The following SPATA13 variants were observed in gnomAD, a reference collection of about 807,000 sequenced individuals.
SPATA13 encodes spermatogenesis associated 13, also known as spermatogenesis-associated protein 13.
In SPATA13, 50 loss-of-function variants were observed where a neutral mutation model predicts 104.0. The ratio of observed to expected loss-of-function variants is 0.48; its 90% CI spans 0.38 to 0.61. SPATA13 has a LOEUF of 0.61. Ranked by LOEUF, SPATA13 falls within the 20% of genes least tolerant of loss-of-function variation. The probability of loss-of-function intolerance (pLI) is 0.00; values close to 1 mark genes in which losing one functional copy is unlikely to be tolerated. For missense variants in SPATA13, 1,524 were observed against 1,690.6 expected (o/e 0.90, Z 1.73); for synonymous variants, 606 against 667.5 (o/e 0.91, Z 1.42).
intron 4 of SPATA13, among the ~76,000 whole-genome samples, chr13:24,277,335 T>A (rs565834137): frequency 1.3e-5 from 2 of 150,714 alleles, no homozygotes; most frequent in African/African-American, 2.5e-5. Flanking sequence ...TCCCAGCTAC[T>A]CGGGAGGCTG....
At chr13:24,178,295 T>C (rs74041914) in intron 1 of SPATA13, among the ~76,000 whole-genome samples, 1,889 of 152,368 alleles carry the variant, frequency 0.012, 44 homozygotes, top group African/African-American at 0.042. Flanking sequence ...AGCATGCTCT[T>C]GAAAAATACT....
At chr13:24,067,012 C>T (rs572853764) in intron 3 of SPATA13, among the ~76,000 whole-genome samples, 14 of 152,292 alleles carry the variant, frequency 9.2e-5, no homozygotes, top group South Asian at 8.3e-4. Flanking sequence ...TTCTCTTGTG[C>T]CATCCTCAGT....
At chr13:24,135,697 C>CAAAAAA (rs34145507) in intron 3 of SPATA13, among the ~76,000 whole-genome samples, 19 of 82,324 alleles carry the variant, frequency 2.3e-4, no homozygotes, top group Admixed American at 6.8e-4. Context: ...GAATCCGTCT[C>CAAAAAA]AAAAAAAAAA....
intron 3 of SPATA13, among the ~76,000 whole-genome samples, chr13:24,147,624 A>G (rs915968644): frequency 5.9e-5 from 9 of 152,136 alleles, no homozygotes; most frequent in Admixed American, 1.3e-4. Context: ...TAGTAAATAT[A>G]CAGAACAAAA....
intron 2 of SPATA13, among the ~76,000 whole-genome samples, chr13:24,016,140 A>G (rs1876703178): frequency 6.6e-6 from 1 of 152,050 alleles, no homozygotes; most frequent in Non-Finnish European, 1.5e-5. Flanking sequence ...TCTTTCTCAG[A>G]CACCCCTGAG....
At chr13:24,242,713 C>T (rs1202861482) in intron 2 of SPATA13, among the ~76,000 whole-genome samples, 1 of 152,134 alleles carries the variant, frequency 6.6e-6, no homozygotes, top group Non-Finnish European at 1.5e-5. Flanking sequence ...AAAAATACCA[C>T]CCCCTCCCAC....
At position 24,278,901 on chromosome 13, in the gene SPATA13, C is replaced by G. The variant is rs866943816; in HGVS notation, c.2165-5234C>G. On this transcript the variant is annotated intron_variant, in intron 4 of 12. Coordinates refer to ENST00000382108, the MANE Select transcript of SPATA13 (RefSeq NM_001166271.3). The stretch of plus-strand genomic sequence containing the variant: ...CCTTCCTTCCTTCCTTCCTTCCTTC[C>G]TTCCTTCCTTCCTTCCTTCCTTCCC... 5 of 1,194,078 alleles carry G rather than the reference C, an allele frequency of 4.2e-6. No individual in the cohort carries two copies. The African/African-American group carries it at 9.4e-5, about 22-fold the overall frequency. The allele number at this position is 1,194,078 out of a possible 1,614,324, so 74.0% of individuals were successfully genotyped here. A position where few individuals can be genotyped will look rare whatever the true frequency, so the allele number is the denominator to read the frequency against.
intron 3 of SPATA13, among the ~76,000 whole-genome samples, chr13:24,107,552 G>A (rs1337353557): frequency 6.6e-6 from 1 of 152,208 alleles, no homozygotes; most frequent in African/African-American, 2.4e-5. Flanking sequence ...CATTCATAGA[G>A]AAAAATCACC....
At chr13:24,183,520 C>T (rs1002128831) in intron 1 of SPATA13, among the ~76,000 whole-genome samples, 7 of 152,278 alleles carry the variant, frequency 4.6e-5, no homozygotes, top group African/African-American at 7.2e-5. Context: ...CCACGGCTCA[C>T]GGGCCACATG....
In SPATA13 at chr13:24,235,324, G is replaced by T. The variant is rs143602356; in HGVS notation, c.1653+10742G>T. ...AATGACTTTTGTCAATGCAAACTTTGAGATTCGCTGTCCAGGCTGAGGCTC... is the reference window on the plus strand; with the variant it reads ...AATGACTTTTGTCAATGCAAACTTTTAGATTCGCTGTCCAGGCTGAGGCTC... On this transcript the variant is annotated intron_variant, in intron 2 of 12. Transcript: ENST00000382108. Among the ~76,000 whole-genome samples the T allele has an allele frequency of 5.4e-4, 83 of 152,344 alleles. 1 individual carries two copies. Among genetic ancestry groups the T allele is most frequent in the African/African-American group, 1.9e-3 (81 of 41,580 alleles).
intron 1 of SPATA13, among the ~76,000 whole-genome samples, chr13:24,172,556 G>GT (rs1174148970): frequency 4.3e-4 from 65 of 152,240 alleles, no homozygotes; most frequent in African/African-American, 1.5e-3. Context: ...TTAGGTCAGT[G>GT]TTTTTTTCTT....
intron 4 of SPATA13, among the ~76,000 whole-genome samples, chr13:24,279,343 G>A (rs991424735): frequency 1.3e-5 from 2 of 152,196 alleles, no homozygotes; most frequent in Non-Finnish European, 2.9e-5. Flanking sequence ...GTGTATCTGG[G>A]GAGAGGTCTC....
In SPATA13 at chr13:24,275,900, C is replaced by T. The variant is rs577291762; in HGVS notation, c.2165-8235C>T. 6.6e-5 allele frequency among the ~76,000 whole-genome samples: 10 copies of T among 152,338 alleles called. No individual in the cohort carries two copies. The East Asian group carries it at 9.6e-4, about 15-fold the overall frequency. ...AGTGAGCTGAGATCGCGCCACAGCACTCCAGCCTGGGCGACAGAGCAAGAC... is the reference window on the plus strand; with the variant it reads ...AGTGAGCTGAGATCGCGCCACAGCATTCCAGCCTGGGCGACAGAGCAAGAC... On this transcript the variant is annotated intron_variant, in intron 4 of 12. Coordinates refer to ENST00000382108, the MANE Select transcript of SPATA13 (RefSeq NM_001166271.3).
intron 3 of SPATA13, among the ~76,000 whole-genome samples, chr13:24,080,664 T>C (rs1263689006): frequency 6.6e-6 from 1 of 152,238 alleles, no homozygotes; most frequent in African/African-American, 2.4e-5. Context: ...GTGGCCTTGA[T>C]GTCACAGAGT....
intron 1 of SPATA13, among the ~76,000 whole-genome samples, chr13:24,189,827 A>C (rs1445966434): frequency 1.3e-4 from 7 of 54,892 alleles, no homozygotes; most frequent in African/African-American, 4.1e-4. Context: ...ATAAATATAT[A>C]TAAAATGATA....
chr13:24,117,483 A>G lies in SPATA13; in HGVS notation c.-112+99782A>G, dbSNP rs890711854. 4.6e-5 allele frequency among the ~76,000 whole-genome samples: 7 copies of G among 152,176 alleles called. No individual in the cohort carries two copies. The East Asian group carries it at 9.6e-4, about 21-fold the overall frequency. The stretch of plus-strand genomic sequence containing the variant: ...CCATTTAGACAATACTTCATCAAAT[A>G]TATTTCTGTATGACTTTAGTGATGT... On this transcript the variant is annotated intron_variant, in intron 3 of 14. Transcript: ENST00000424834.
intron 3 of SPATA13, among the ~76,000 whole-genome samples, chr13:24,043,890 G>A (rs9511015): frequency 0.48 from 72,537 of 151,628 alleles, 19,092 homozygotes; most frequent in East Asian, 0.64. Flanking sequence ...GACTGCCAGG[G>A]GAGGGGTAGG....
chr13:23,983,388 C>T (rs1354131465), intron 1 of SPATA13, among the ~76,000 whole-genome samples: 1 of 152,192 alleles, frequency 6.6e-6, no homozygotes, highest in Non-Finnish European at 1.5e-5. Context: ...CCTCATTATA[C>T]CTCAATTACC....
At chr13:24,207,756 T>A (rs1162379357) in intron 1 of SPATA13, among the ~76,000 whole-genome samples, 1 of 152,252 alleles carries the variant, frequency 6.6e-6, no homozygotes, top group African/African-American at 2.4e-5. Context: ...CTGCTACCTC[T>A]GCGCATCACC....
Sources: allele counts gnomAD v4.1 joint callset (sites outside exome capture counted in the v4.1 genomes callset), GRCh38; gene constraint gnomAD v4.1.1; transcripts MANE v1.5; gene names NCBI Gene and HGNC (gene_info 2026-07-23, HGNC 2026-07-21).